CCDC88B: variants seen among roughly 807,000 people sequenced by gnomAD.
CCDC88B encodes coiled-coil and HOOK domain protein 88B, also known as coiled-coil domain-containing protein 88B.
CCDC88B carries 138 observed loss-of-function variants against 183.7 expected under a neutral mutation model. The ratio of observed to expected loss-of-function variants is 0.75; its 90% CI spans 0.65 to 0.87. CCDC88B has a LOEUF of 0.87. Ranked by LOEUF, CCDC88B falls within the 40% of genes least tolerant of loss-of-function variation. CCDC88B has a pLI of 0.00. For missense variants in CCDC88B, 1,822 were observed against 1,965.6 expected (o/e 0.93, Z 1.38); for synonymous variants, 835 against 867.5 (o/e 0.96, Z 0.66).
chr11:64,355,385 G>C lies in CCDC88B; in HGVS notation c.4291G>C (p.Val1431Leu). 1 of 1,590,048 alleles carries C rather than the reference G, an allele frequency of 6.3e-7. No homozygotes were observed. Among genetic ancestry groups the C allele is most frequent in the Non-Finnish European group, 8.6e-7 (1 of 1,168,744 alleles). Reference protein sequence around the residue: ...QRHPGPLGAPVSHSKGPGVGW... With the variant: ...QRHPGPLGAPLSHSKGPGVGW... ...CCATCCAGGCCCCCTGGGGGCGCCC[G>C]TCTCCCACAGCAAAGGTGAGGGACA... Residue 1431 changes from valine to leucine, a missense_variant, in exon 25 of 27, where the codon GTC becomes CTC. Val to Leu is a conservative substitution (Grantham distance 32). Coordinates refer to ENST00000356786, the MANE Select transcript of CCDC88B (RefSeq NM_032251.6).
chr11:64,347,080 C>A (rs902132398), intron 14 of CCDC88B, among the ~76,000 whole-genome samples: 4 of 152,240 alleles, frequency 2.6e-5, no homozygotes, highest in African/African-American at 9.6e-5. Context: ...AGGCGTGAGC[C>A]ACCGCACCTG....
Position 64,346,269 on chromosome 11 carries a change from G to A in CCDC88B, c.2616+1112G>A, listed in dbSNP as rs966704013. On this transcript the variant is annotated intron_variant, in intron 14 of 26. Transcript: ENST00000356786. ...TGGGAGTGGGTGTGAGAGGAGGACT[G>A]GACACTTTTTTCTTTTTGAGACAGA... Among the ~76,000 whole-genome samples the A allele has an allele frequency of 1.4e-4, 22 of 151,944 alleles. 1 individual carries two copies. Among genetic ancestry groups the A allele is most frequent in the Admixed American group, 2.0e-4 (3 of 15,250 alleles).
chr11:64,349,496 G>A (rs2036243966), intron 15 of CCDC88B, 38 bp downstream of exon 15: 1 of 1,585,146 alleles, frequency 6.3e-7, no homozygotes, highest in Non-Finnish European at 8.6e-7. Flanking sequence ...AGGGAGGCAG[G>A]GGTGTGGTGG....
intron 26 of CCDC88B, 199 bp downstream of exon 26, chr11:64,355,827 C>T: frequency 1.9e-6 from 1 of 523,694 alleles, no homozygotes; most frequent in Non-Finnish European, 3.4e-6. Context: ...TTATTATCTA[C>T]AACAGCCCTG....
At chr11:64,356,784 G>T in intron 26 of CCDC88B, 1 of 495,742 alleles carries the variant, frequency 2.0e-6, no homozygotes, top group Non-Finnish European at 3.6e-6. Context: ...TTAGTAACTG[G>T]GGTGCTGGGG....
In CCDC88B at chr11:64,356,823, G is replaced by A. The variant is rs142329775; in HGVS notation, c.4376-216G>A. On this transcript the variant is annotated intron_variant, in intron 26 of 26. Coordinates refer to ENST00000356786, the MANE Select transcript of CCDC88B (RefSeq NM_032251.6). The stretch of plus-strand genomic sequence containing the variant: ...GCCTCAGAGAGGATGTGAAATTGGA[G>A]CAAAGACTTGGAGGGGAGAGTTTGT... The A allele has an allele frequency of 1.1e-5, 6 of 527,328 alleles. No homozygotes were observed. In the East Asian group the frequency reaches 1.5e-4, roughly 13 times the overall value. The allele number at this position is 527,328 out of a possible 1,614,324, so 32.7% of individuals were successfully genotyped here. A position where few individuals can be genotyped will look rare whatever the true frequency, so the allele number is the denominator to read the frequency against.
chr11:64,350,900 G>C (rs758410601), intron 16 of CCDC88B, among the ~76,000 whole-genome samples: 2 of 152,156 alleles, frequency 1.3e-5, no homozygotes, highest in Non-Finnish European at 2.9e-5. Flanking sequence ...AATAGTCTTA[G>C]AGGAGTAGTG....
chr11:64,352,696 T>TG, intron 19 of CCDC88B, 48 bp from the exon 20 acceptor site: 1 of 1,611,834 alleles, frequency 6.2e-7, no homozygotes. Context: ...CAGCTGCTTG[T>TG]GGTGGCCATA....
intron 14 of CCDC88B, chr11:64,348,727 G>A: frequency 2.3e-6 from 1 of 440,168 alleles, no homozygotes; most frequent in Non-Finnish European, 4.0e-6. Flanking sequence ...CCATGTGGCA[G>A]AATGGTTTGG....
chr11:64,357,320 C>G lies in CCDC88B; in HGVS notation c.*226C>G. 1 of 721,932 alleles carries G rather than the reference C, an allele frequency of 1.4e-6. No homozygotes were observed. The highest frequency in any genetic ancestry group is 2.6e-6 in the Non-Finnish European group (1 of 389,004). The allele number at this position is 721,932 out of a possible 1,614,324, so 44.7% of individuals were successfully genotyped here. A position where few individuals can be genotyped will look rare whatever the true frequency, so the allele number is the denominator to read the frequency against. On this transcript the variant is annotated 3_prime_UTR_variant, in exon 27 of 27. Coordinates refer to ENST00000356786, the MANE Select transcript of CCDC88B (RefSeq NM_032251.6). ...GCTGGCCCCCACGAGCAGCTCCAGG[C>G]TGGAGTTCTGGTTCTTCCAGGTGGC...
In CCDC88B at chr11:64,341,197, C is replaced by T; in HGVS notation, c.388+19C>T. 1 of 1,614,048 alleles carries T rather than the reference C, an allele frequency of 6.2e-7. No individual in the cohort carries two copies. Among genetic ancestry groups the T allele is most frequent in the East Asian group, 2.2e-5 (1 of 44,878 alleles). ...CTCTCAGGTGCTCTCCCCACCCACA[C>T]CCTCCTGCCTCTGCCCCCGCACTAC... is the stretch of plus-strand genomic sequence containing the variant. On this transcript the variant is annotated intron_variant, in intron 4 of 26. Coordinates refer to ENST00000356786, the MANE Select transcript of CCDC88B (RefSeq NM_032251.6).
chr11:64,341,330 T>C lies in CCDC88B; in HGVS notation c.447+2T>C. 6.2e-7 allele frequency: 1 copy of C among 1,613,958 alleles called. No individual in the cohort carries two copies. On this transcript the variant is annotated splice_donor_variant, in intron 5 of 26. Transcript: ENST00000356786. LOFTEE classifies it high-confidence loss of function. ...CTACTGTTGGGAGCGTCAGTACAGGTGAGCCGGCGGTGGGAAGGAAAGGTT... is the reference window on the plus strand; with the variant it reads ...CTACTGTTGGGAGCGTCAGTACAGGCGAGCCGGCGGTGGGAAGGAAAGGTT...
intron 10 of CCDC88B, 82 bp from the exon 11 acceptor site, chr11:64,343,097 T>C: frequency 7.0e-7 from 1 of 1,431,030 alleles, no homozygotes; most frequent in Non-Finnish European, 9.2e-7. Context: ...TGTGACAGGC[T>C]GAGGGGAAGG....
chr11:64,351,109 C>T (rs2036309520), intron 16 of CCDC88B, 51 bp from the exon 17 acceptor site: 2 of 1,369,178 alleles, frequency 1.5e-6, no homozygotes, highest in African/African-American at 2.9e-5. Context: ...TTGAGGCATC[C>T]CCAAGGCACT....
Position 64,342,695 on chromosome 11 carries a change from G to T in CCDC88B, c.1062+15G>T. On this transcript the variant is annotated intron_variant, in intron 10 of 26. Transcript: ENST00000356786. ...GTCAGCTGGAGGTGAGGCGGAGACG[G>T]AGCCGCGGGGCGGGGCGTGCGCGAG... 6.8e-7 allele frequency: 1 copy of T among 1,463,492 alleles called. No individual in the cohort carries two copies. Among genetic ancestry groups the T allele is most frequent in the Non-Finnish European group, 9.0e-7 (1 of 1,114,604 alleles). 90.7% of individuals were successfully genotyped at this position (1,463,492 alleles called of 1,614,324 possible). A position where few individuals can be genotyped will look rare whatever the true frequency, so the allele number is the denominator to read the frequency against.
In CCDC88B at chr11:64,343,523, G is replaced by A. The variant is rs1379027578; in HGVS notation, c.1226G>A (p.Arg409Gln). Residue 409 changes from arginine to glutamine, a missense_variant, in exon 12 of 27, where the codon CGG becomes CAG. Coordinates refer to ENST00000356786, the MANE Select transcript of CCDC88B (RefSeq NM_032251.6). ...GEAHAELDSLRHQVDQLAEEN... is the reference protein window; with the variant it reads ...GEAHAELDSLQHQVDQLAEEN... ...CACCCCCAGGAGCTGGACTCTCTGC[G>A]GCATCAGGTGGACCAGCTGGCTGAG... The A allele has an allele frequency of 3.9e-6, 6 of 1,551,706 alleles. No individual in the cohort carries two copies. The highest frequency in any genetic ancestry group is 2.4e-5 in the South Asian group (2 of 84,068).
In CCDC88B at chr11:64,340,999, G is replaced by A. The variant is rs143431803; in HGVS notation, c.299G>A (p.Arg100Gln). 2.5e-6 allele frequency: 4 copies of A among 1,609,304 alleles called. No individual in the cohort carries two copies. The African/African-American group carries it at 4.0e-5, about 16-fold the overall frequency. The change falls in exon 3 of 27, where the codon CGA (arginine) becomes CAA (glutamine). Residue 100 changes from arginine (R) to glutamine (Q), a missense_variant. Coordinates refer to ENST00000356786, the MANE Select transcript of CCDC88B (RefSeq NM_032251.6). ...TGGAACCTGAACCACCTGTGGGGCC[G>A]ACTGAGGGACTTCTACCAGGTAAGG... is the stretch of plus-strand genomic sequence containing the variant. Reference protein sequence around the residue: ...RVWNLNHLWGRLRDFYQEELQ... With the variant: ...RVWNLNHLWGQLRDFYQEELQ...
chr11:64,342,833 G>A, intron 10 of CCDC88B, 153 bp downstream of exon 10: 1 of 875,764 alleles, frequency 1.1e-6, no homozygotes, highest in Non-Finnish European at 1.6e-6. Context: ...GGGAGGTGGC[G>A]TCTGGGAAAG....
At position 64,344,027 on chromosome 11, in the gene CCDC88B, C is replaced by T; in HGVS notation, c.1486C>T (p.Pro496Ser). Residue 496 changes from proline to serine, a missense_variant, in exon 14 of 27, where the codon CCT becomes TCT. Transcript: ENST00000356786. The surrounding 1 kb of genome is among the most constrained non-coding windows in gnomAD (Gnocchi z 4.5). ...CCTGCTGGAGGCACCGAGAGAGGACCCTGTTCTTCCAGTGCTGGAGGAGGC... is the reference window on the plus strand; with the variant it reads ...CCTGCTGGAGGCACCGAGAGAGGACTCTGTTCTTCCAGTGCTGGAGGAGGC... ...HPLLEAPREDPVLPVLEEAPQ... is the reference protein window; with the variant it reads ...HPLLEAPREDSVLPVLEEAPQ... 1 of 1,569,298 alleles carries T rather than the reference C, an allele frequency of 6.4e-7. No individual in the cohort carries two copies. Among genetic ancestry groups the T allele is most frequent in the South Asian group, 1.2e-5 (1 of 86,826 alleles).
Sources: allele counts gnomAD v4.1 joint callset (sites outside exome capture counted in the v4.1 genomes callset), GRCh38; gene constraint gnomAD v4.1.1; non-coding constraint Gnocchi (gnomAD v3.1); transcripts MANE v1.5; gene names NCBI Gene and HGNC (gene_info 2026-07-23, HGNC 2026-07-21).